The following CIP2A variants were observed in gnomAD, a reference collection of about 807,000 sequenced individuals.
The protein encoded by CIP2A is protein CIP2A.
Under a neutral mutation model 110.9 loss-of-function variants are expected in CIP2A, and 103 were observed. The ratio of observed to expected loss-of-function variants is 0.93; its 90% confidence interval spans 0.79 to 1.09. CIP2A has a LOEUF of 1.09. Ranked by LOEUF, CIP2A falls within the 50% of genes least tolerant of loss-of-function variation. The probability of loss-of-function intolerance (pLI) is 0.00; values close to 1 mark genes in which losing one functional copy is unlikely to be tolerated. For synonymous variants in CIP2A, 381 were observed against 361.6 expected, an observed-to-expected ratio of 1.05 and a Z score of -0.61; for missense variants, 1,088 against 1,038.4, an observed-to-expected ratio of 1.05 and a Z score of -0.66.
At chr3:108,555,420 G>A (rs546641826) in intron 17 of CIP2A, among the ~76,000 whole-genome samples, 1 of 152,272 alleles carries the variant, frequency 6.6e-6, no homozygotes, top group African/African-American at 2.4e-5. Flanking sequence ...CTAAATCAAA[G>A]TTAACAAACT....
At chr3:108,559,736 G>A (rs1044417188) in intron 16 of CIP2A, 21 bp downstream of exon 16, 2 of 1,366,280 alleles carry the variant, frequency 1.5e-6, no homozygotes, top group East Asian at 2.4e-5. Flanking sequence ...CAAATCAGAT[G>A]TGTCTTTATA....
chr3:108,561,558 A>T (rs538426804), intron 13 of CIP2A, among the ~76,000 whole-genome samples: 18 of 152,096 alleles, frequency 1.2e-4, no homozygotes, highest in South Asian at 8.3e-4. Flanking sequence ...GGTCCCCGCT[A>T]CTCAGGGGGT....
rs769457920 is a variant in CIP2A, at chr3:108,582,116, T to C, written c.444A>G (p.Ile148Met). Reference protein sequence around the residue: ...ANIDELITFLIDHIQSSEDEL... With the variant: ...ANIDELITFLMDHIQSSEDEL... ...TTTGATTGCATACTCACATGTGATC[T>C]ATCAGGAACGTAATTAATTCATCTA... Residue 148 changes from isoleucine to methionine, a missense_variant, in exon 4 of 21, where the codon ATA becomes ATG. By Grantham distance (10) the Ile-to-Met change is conservative (BLOSUM62 1). Transcript: ENST00000295746. 1.4e-6 allele frequency: 2 copies of C among 1,415,710 alleles called. No individual in the cohort carries two copies. Among genetic ancestry groups the C allele is most frequent in the Admixed American group, 1.9e-5 (1 of 53,666 alleles). The allele number at this position is 1,415,710 out of a possible 1,614,324, so 87.7% of individuals were successfully genotyped here.
In CIP2A at chr3:108,565,343, GTTTAAACTCACCTGAAGTA is replaced by G; in HGVS notation, c.1508_1515+11del. ...ATGAATAAACTTCAATGTTTGAAGA[GTTTAAACTCACCTGAAGTA>G]TTTTGTAGAAGCTTACTTCCATACC... On this transcript the variant is annotated splice_donor_variant and splice_donor_5th_base_variant and coding_sequence_variant and intron_variant, in exon 12 of 21. Transcript: ENST00000295746. LOFTEE classifies it high-confidence loss of function. The G allele has an allele frequency of 7.1e-7, 1 of 1,401,000 alleles. No individual in the cohort carries two copies. The highest frequency in any genetic ancestry group is 1.0e-6 in the Non-Finnish European group (1 of 999,802). 86.8% of individuals were successfully genotyped at this position (1,401,000 alleles called of 1,614,324 possible). A position where few individuals can be genotyped will look rare whatever the true frequency, so the allele number is the denominator to read the frequency against.
chr3:108,551,578 A>C (rs2083899174), intron 20 of CIP2A, among the ~76,000 whole-genome samples: 1 of 152,092 alleles, frequency 6.6e-6, no homozygotes, highest in Admixed American at 6.6e-5. Flanking sequence ...TTTGCAGAAA[A>C]TACTACACAC....
At chr3:108,568,690 C>T (rs1458613198) in intron 9 of CIP2A, among the ~76,000 whole-genome samples, 1 of 151,794 alleles carries the variant, frequency 6.6e-6, no homozygotes, top group Non-Finnish European at 1.5e-5. Context: ...AAATAATTTC[C>T]CTCAAGACCC....
At chr3:108,577,022 C>T (rs1018994779) in intron 7 of CIP2A, among the ~76,000 whole-genome samples, 3 of 152,066 alleles carry the variant, frequency 2.0e-5, no homozygotes, top group Non-Finnish European at 2.9e-5. Context: ...AGACTCGAGT[C>T]TTAAAAACAA....
At chr3:108,566,309 C>T (rs577873458) in intron 11 of CIP2A, among the ~76,000 whole-genome samples, 188 bp downstream of exon 11, 1 of 151,726 alleles carries the variant, frequency 6.6e-6, no homozygotes, top group African/African-American at 2.4e-5. Context: ...AATGTTAATA[C>T]CTTTCTTCAA....
At position 108,568,317 on chromosome 3, in the gene CIP2A, G is replaced by A; in HGVS notation, c.1114-3C>T. The A allele has an allele frequency of 6.2e-7, 1 of 1,609,910 alleles. No individual in the cohort carries two copies. On this transcript the variant is annotated splice_region_variant and splice_polypyrimidine_tract_variant and intron_variant, in intron 9 of 20. Coordinates refer to ENST00000295746, the MANE Select transcript of CIP2A (RefSeq NM_020890.3). ...CAGTTAGCAGCATCTATGACATCCT[G>A]GAGAATTATCCATCACAAATGATTA...
chr3:108,585,370 C>T (rs576797304), intron 1 of CIP2A, among the ~76,000 whole-genome samples, 158 bp from the exon 2 acceptor site: 1 of 152,078 alleles, frequency 6.6e-6, no homozygotes, highest in Non-Finnish European at 1.5e-5. Context: ...GCCTAGAGTA[C>T]CCATCAATTA....
chr3:108,575,345 T>TACACACATGTGTATATATACATAC (rs1292487616), intron 8 of CIP2A, among the ~76,000 whole-genome samples: 1 of 148,894 alleles, frequency 6.7e-6, no homozygotes, highest in African/African-American at 2.5e-5. Flanking sequence ...TATATACATA[T>TACACACATGTGTATATATACATAC]ACACACATGT....
At chr3:108,571,380 T>C (rs1472562300) in intron 8 of CIP2A, among the ~76,000 whole-genome samples, 3 of 152,122 alleles carry the variant, frequency 2.0e-5, no homozygotes, top group East Asian at 1.9e-4. Context: ...TGCACCACCA[T>C]GTTAGAATGG....
chr3:108,568,685 A>G (rs1412452737), intron 9 of CIP2A, among the ~76,000 whole-genome samples: 1 of 152,010 alleles, frequency 6.6e-6, no homozygotes, highest in South Asian at 2.1e-4. Context: ...ACCACAAATA[A>G]TTTCCCTCAA....
chr3:108,584,912 A>T lies in CIP2A; in HGVS notation c.250+153T>A, dbSNP rs1023913825. ...GATCATTCTTTGATCGGTAGCTATG[A>T]CTTCCTCAGTGTCAAAAGATTCACA... On this transcript the variant is annotated intron_variant, in intron 2 of 20. Coordinates refer to ENST00000295746, the MANE Select transcript of CIP2A (RefSeq NM_020890.3). The T allele has an allele frequency of 3.7e-5, 20 of 539,320 alleles. No homozygotes were observed. In the African/African-American group the frequency reaches 3.9e-4, roughly 10 times the overall value. 33.4% of individuals were successfully genotyped at this position (539,320 alleles called of 1,614,324 possible).
intron 2 of CIP2A, among the ~76,000 whole-genome samples, chr3:108,584,409 C>G (rs1296406412): frequency 6.6e-6 from 1 of 152,136 alleles, no homozygotes; most frequent in Non-Finnish European, 1.5e-5. Context: ...ATTATACCCT[C>G]AAAGCTGAAA....
In CIP2A at chr3:108,576,324, G is replaced by A. The variant is rs746820576; in HGVS notation, c.841C>T (p.Leu281Phe). Reference protein sequence around the residue: ...LTRYEHFSSCLHQVLGLLNGK... With the variant: ...LTRYEHFSSCFHQVLGLLNGK... ...TTAAGAAGACCTAATACTTGGTGAA[G>A]ACATGAAGAAAAGTGCTCATATCTA... Residue 281 changes from leucine to phenylalanine, a missense_variant, in exon 8 of 21, where the codon CTT becomes TTT. By Grantham distance (22) the Leu-to-Phe change is conservative (BLOSUM62 0). Transcript: ENST00000295746. The A allele has an allele frequency of 1.3e-6, 2 of 1,555,384 alleles. No individual in the cohort carries two copies. The highest frequency in any genetic ancestry group is 1.4e-5 in the African/African-American group (1 of 72,096).
At chr3:108,587,823 C>T (rs1939115950) in intron 1 of CIP2A, among the ~76,000 whole-genome samples, 1 of 152,090 alleles carries the variant, frequency 6.6e-6, no homozygotes, top group East Asian at 1.9e-4. Context: ...CACTCTGTCA[C>T]CCATGTTGGA....
Position 108,559,858 on chromosome 3 carries a change from T to C in CIP2A, c.1912A>G (p.Ser638Gly), listed in dbSNP as rs753497319. Reference sequence around the variant, plus strand: ...GTTTCCAAAAGATCTTGTAGCCTGCTTTCTTTGGACTACAAGAAAACATAT... The same window carrying C: ...GTTTCCAAAAGATCTTGTAGCCTGCCTTCTTTGGACTACAAGAAAACATAT... Reference protein sequence around the residue: ...MKLSTLASKESRLQDLLETKA... With the variant: ...MKLSTLASKEGRLQDLLETKA... Residue 638 changes from serine (S) to glycine (G), a missense_variant, in exon 16 of 21, where the codon AGC becomes GGC. Physicochemically the swap from Ser to Gly is moderately conservative, Grantham distance 56. Coordinates refer to ENST00000295746, the MANE Select transcript of CIP2A (RefSeq NM_020890.3). 2.5e-6 allele frequency: 4 copies of C among 1,606,744 alleles called. No homozygotes were observed. Among genetic ancestry groups the C allele is most frequent in the South Asian group, 1.1e-5 (1 of 90,452 alleles).
At chr3:108,586,227 T>C (rs933051312) in intron 1 of CIP2A, among the ~76,000 whole-genome samples, 4 of 152,182 alleles carry the variant, frequency 2.6e-5, no homozygotes, top group African/African-American at 7.2e-5. Flanking sequence ...AGTTTCACAT[T>C]ATCTGTTCCC....
Sources: allele counts gnomAD v4.1 joint callset (sites outside exome capture counted in the v4.1 genomes callset), GRCh38; gene constraint gnomAD v4.1.1; transcripts MANE v1.5; gene names NCBI Gene and HGNC (gene_info 2026-07-23, HGNC 2026-07-21).